Variants in CACNA1S observed in about 807,000 individuals in gnomAD.
The protein encoded by CACNA1S is voltage-dependent L-type calcium channel subunit alpha-1S.
In CACNA1S, 126 loss-of-function variants were observed where a neutral mutation model predicts 207.4. The ratio of observed to expected loss-of-function variants is 0.61; its 90% CI spans 0.53 to 0.70. The LOEUF (loss-of-function observed/expected upper bound fraction) is 0.70, where lower values mean the gene tolerates loss of function less well. CACNA1S is among the 30% of genes least tolerant of loss of function. The pLI is 0.00. For synonymous variants in CACNA1S, 960 were observed against 932.7 expected, an observed-to-expected ratio of 1.03 and a Z score of -0.53; for missense variants, 2,349 against 2,422.8, an observed-to-expected ratio of 0.97 and a Z score of 0.64.
Position 201,039,754 on chromosome 1 carries a change from G to A in CACNA1S, c.*77C>T. 4 of 1,584,034 alleles carry A rather than the reference G, an allele frequency of 2.5e-6. No individual in the cohort carries two copies. The highest frequency in any genetic ancestry group is 1.7e-5 in the Admixed American group (1 of 60,000). ...GGAGGGAGGCTGCTGCGGTGGGCTA[G>A]CCCTTCTCCACCCCAGCAACTTCCC... On this transcript the variant is annotated 3_prime_UTR_variant, in exon 44 of 44. Transcript: ENST00000362061.
At chr1:201,046,073 A>G (rs1203599078) in intron 38 of CACNA1S, among the ~76,000 whole-genome samples, 1 of 152,206 alleles carries the variant, frequency 6.6e-6, no homozygotes, top group Non-Finnish European at 1.5e-5. Flanking sequence ...TGTGCATTAC[A>G]GTGAACCCAA....
chr1:201,091,833 T>C (rs1280474416), intron 4 of CACNA1S, 41 bp from the exon 5 acceptor site: 6 of 1,601,152 alleles, frequency 3.7e-6, no homozygotes, highest in Non-Finnish European at 4.3e-6. Flanking sequence ...GAGTCGCCTC[T>C]GCTTGGTCTC....
chr1:201,090,589 G>A (rs976900110), intron 5 of CACNA1S, among the ~76,000 whole-genome samples: 7 of 152,192 alleles, frequency 4.6e-5, no homozygotes, highest in African/African-American at 1.2e-4. Context: ...TTATGGAGGA[G>A]GCTAAGTCCC....
At chr1:201,091,488 A>C in intron 5 of CACNA1S, 152 bp downstream of exon 5, 1 of 873,906 alleles carries the variant, frequency 1.1e-6, no homozygotes, top group Non-Finnish European at 1.9e-6. Context: ...CCCTTCCTCC[A>C]AGTCCCCCTT....
In CACNA1S at chr1:201,065,825, G is replaced by A; in HGVS notation, c.2853+13C>T. ...AGCGGGAGGGGGAGCTGCTCGCGCA[G>A]GCTGGGGCTCACCTTGAAGAGCTGG... On this transcript the variant is annotated intron_variant, in intron 22 of 43. Coordinates refer to ENST00000362061, the MANE Select transcript of CACNA1S (RefSeq NM_000069.3). 6.2e-7 allele frequency: 1 copy of A among 1,601,150 alleles called. No homozygotes were observed. The highest frequency in any genetic ancestry group is 8.6e-7 in the Non-Finnish European group (1 of 1,168,226).
At chr1:201,063,082 AG>A (rs1326079930) in intron 22 of CACNA1S, among the ~76,000 whole-genome samples, 1 of 149,980 alleles carries the variant, frequency 6.7e-6, no homozygotes, top group Non-Finnish European at 1.5e-5. Context: ...AGGCCCAGGT[AG>A]GGGGGCTCTG....
chr1:201,071,080 T>C (rs1041633596), intron 16 of CACNA1S, among the ~76,000 whole-genome samples: 2 of 152,056 alleles, frequency 1.3e-5, no homozygotes, highest in Admixed American at 1.3e-4. Context: ...GGAAGCTGAG[T>C]ACCCGAAATC....
Position 201,062,674 on chromosome 1 carries a change from C to A in CACNA1S, c.2854-160G>T, listed in dbSNP as rs1050960201. Among the ~76,000 whole-genome samples, 4 of 152,244 alleles carry A rather than the reference C, an allele frequency of 2.6e-5. No individual in the cohort carries two copies. In the South Asian group the frequency reaches 8.3e-4, roughly 31 times the overall value. Reference sequence around the variant, plus strand: ...CTTCCTCTCAGAGGCGTGAACTCGCCCTTGGGGCAGGGCCCCAGAGCAGCC... The same window carrying A: ...CTTCCTCTCAGAGGCGTGAACTCGCACTTGGGGCAGGGCCCCAGAGCAGCC... On this transcript the variant is annotated intron_variant, in intron 22 of 43. Transcript: ENST00000362061.
At chr1:201,097,129 G>A (rs886824994) in intron 2 of CACNA1S, among the ~76,000 whole-genome samples, 4 of 151,766 alleles carry the variant, frequency 2.6e-5, no homozygotes, top group Non-Finnish European at 5.9e-5. Context: ...CACCCCTACC[G>A]TCTCCTGCAT....
intron 26 of CACNA1S, 95 bp from the exon 27 acceptor site, chr1:201,059,394 C>A: frequency 1.3e-6 from 1 of 741,704 alleles, no homozygotes; most frequent in Non-Finnish European, 2.3e-6. Flanking sequence ...CCTGGGAAGC[C>A]CCCAACCCTT....
chr1:201,087,754 C>A, intron 7 of CACNA1S, 72 bp downstream of exon 7: 3 of 981,578 alleles, frequency 3.1e-6, no homozygotes, highest in South Asian at 1.3e-5. Flanking sequence ...TCCCTCCGTT[C>A]CTTTTCCTTC....
intron 11 of CACNA1S, 60 bp downstream of exon 11, chr1:201,077,819 C>A: frequency 1.7e-6 from 2 of 1,203,644 alleles, no homozygotes; most frequent in Non-Finnish European, 2.4e-6. Context: ...TGGGTGTAGA[C>A]CAGACCAGCC....
At chr1:201,069,409 G>A in intron 18 of CACNA1S, 63 bp downstream of exon 18, 1 of 1,595,786 alleles carries the variant, frequency 6.3e-7, no homozygotes, top group Non-Finnish European at 8.5e-7. Context: ...CTGAACCCTG[G>A]GCACCAGACT....
chr1:201,098,877 T>A (rs1662536830), intron 2 of CACNA1S, among the ~76,000 whole-genome samples: 1 of 152,218 alleles, frequency 6.6e-6, no homozygotes, highest in African/African-American at 2.4e-5. Context: ...ATTCTCATCC[T>A]TCCATAGACA....
intron 11 of CACNA1S, among the ~76,000 whole-genome samples, chr1:201,077,517 G>A (rs902902895): frequency 6.6e-6 from 1 of 151,798 alleles, no homozygotes; most frequent in Non-Finnish European, 1.5e-5. Context: ...ACCTCACAAA[G>A]GCCCTGATAG....
In CACNA1S at chr1:201,044,455, G is replaced by C. The variant is rs959122551; in HGVS notation, c.4670C>G (p.Ala1557Gly). The C allele has an allele frequency of 6.2e-7, 1 of 1,612,188 alleles. No homozygotes were observed. The stretch of plus-strand genomic sequence containing the variant: ...CTCTTCCTCAATGGTCCGCAGCCCT[G>C]CCTGGGGATGACGAAGGGACTCAGT... The part of the protein sequence containing the change: ...RPKKDIVQIQ[A>G]GLRTIEEEAA... Residue 1557 changes from alanine (A) to glycine (G), a missense_variant and splice_region_variant, in exon 39 of 44, where the codon GCA becomes GGA. Physicochemically the swap from Ala to Gly is moderately conservative, Grantham distance 60 (BLOSUM62 0). Transcript: ENST00000362061.
intron 28 of CACNA1S, among the ~76,000 whole-genome samples, chr1:201,056,748 G>A (rs902368730): frequency 4.6e-5 from 7 of 152,126 alleles, no homozygotes; most frequent in Admixed American, 4.6e-4. Context: ...TGGAGGGATC[G>A]GCTTCTAAGG....
chr1:201,059,149 G>T, intron 27 of CACNA1S, 40 bp downstream of exon 27: 1 of 1,333,592 alleles, frequency 7.5e-7, no homozygotes. Flanking sequence ...CCACCCACCA[G>T]CCCCAGCTTC....
chr1:201,107,063 G>T (rs1045724266), intron 2 of CACNA1S, among the ~76,000 whole-genome samples: 16 of 152,248 alleles, frequency 1.1e-4, no homozygotes, highest in African/African-American at 3.9e-4. Context: ...CTCCTTAGAG[G>T]CAGGGAGATG....
Sources: gnomAD v4.1 joint callset for allele counts (sites outside exome capture counted in the v4.1 genomes callset) on GRCh38, gnomAD v4.1.1 for gene constraint, MANE v1.5 for transcripts, NCBI Gene and HGNC (gene_info 2026-07-23, HGNC 2026-07-21) for gene names.